PIGQ: variants seen among roughly 807,000 people sequenced by gnomAD.
The protein encoded by PIGQ is phosphatidylinositol N-acetylglucosaminyltransferase subunit Q.
PIGQ carries 54 observed loss-of-function variants against 60.3 expected under a neutral mutation model. The ratio of observed to expected loss-of-function variants is 0.90; its 90% CI spans 0.72 to 1.12. The LOEUF (loss-of-function observed/expected upper bound fraction) is 1.12, where lower values mean the gene tolerates loss of function less well. Ranked by LOEUF, PIGQ falls within the 50% of genes most tolerant of loss-of-function variation. The pLI, the probability that PIGQ is intolerant of heterozygous loss-of-function variation, is 0.00. For missense variants in PIGQ, 799 were observed against 793.5 expected, an observed-to-expected ratio of 1.01 and a Z score of -0.08; for synonymous variants, 416 against 363.7, an observed-to-expected ratio of 1.14 and a Z score of -1.64.
chr16:574,883 C>T, intron 2 of PIGQ, 120 bp downstream of exon 2: 1 of 778,302 alleles, frequency 1.3e-6, no homozygotes, highest in South Asian at 1.9e-5. Context: ...GGCCCCCTCC[C>T]ACTCCTGCAG....
intron 8 of PIGQ, 111 bp downstream of exon 8, chr16:580,374 C>T (rs983689652): frequency 6.0e-5 from 47 of 783,610 alleles, no homozygotes; most frequent in Admixed American, 1.6e-4. Context: ...CTGCAGGCCA[C>T]GTGGGTGGCC....
At chr16:581,965 T>A in intron 9 of PIGQ, 4 of 474,916 alleles carry the variant, frequency 8.4e-6, no homozygotes, top group Non-Finnish European at 1.6e-5. Context: ...GGTTTCACCA[T>A]GTTGGCCAGG....
At chr16:577,953 G>T (rs1037268265) in intron 4 of PIGQ, 4 of 174,338 alleles carry the variant, frequency 2.3e-5, no homozygotes, top group South Asian at 1.2e-4. Flanking sequence ...CTGCGATGGG[G>T]TGGGGCCTCT....
intron 6 of PIGQ, 30 bp from the exon 7 acceptor site, chr16:579,039 G>A: frequency 6.3e-7 from 1 of 1,582,158 alleles, no homozygotes; most frequent in Non-Finnish European, 8.6e-7. Context: ...GGCGGGGCGG[G>A]GCCGGGCCCG....
intron 1 of PIGQ, chr16:572,701 C>T (rs1176320462): frequency 4.4e-6 from 2 of 455,854 alleles, no homozygotes; most frequent in Non-Finnish European, 8.8e-6. Context: ...CTGGGACCTC[C>T]AGGCGTCCCG....
chr16:582,820 C>T (rs1263024772), intron 10 of PIGQ, 63 bp from the exon 11 acceptor site: 2 of 1,521,342 alleles, frequency 1.3e-6, no homozygotes, highest in African/African-American at 2.7e-5. Flanking sequence ...CGCCCCCACC[C>T]TCTCTCTGCA....
At chr16:573,922 G>A (rs921637600) in intron 1 of PIGQ, 144 bp from the exon 2 acceptor site, 17 of 615,378 alleles carry the variant, frequency 2.8e-5, no homozygotes, top group Non-Finnish European at 4.0e-5. Flanking sequence ...GGAGCCCTAC[G>A]GCGTCCACCA....
Position 575,589 on chromosome 16 carries a change from A to G in PIGQ, c.690-250A>G, listed in dbSNP as rs1054626026. Among the ~76,000 whole-genome samples the G allele has an allele frequency of 2.6e-5, 4 of 152,168 alleles. 1 individual carries two copies. In the South Asian group the frequency reaches 8.3e-4, roughly 32 times the overall value. On this transcript the variant is annotated intron_variant, in intron 2 of 10. Coordinates refer to ENST00000321878, the MANE Select transcript of PIGQ (RefSeq NM_004204.5). The stretch of plus-strand genomic sequence containing the variant: ...GCTTCTTGGCACCGGCTCTGGGAGC[A>G]TGTGGTGACCAGGTGGCCCGGGGTC...
In PIGQ at chr16:576,213, C is replaced by A; in HGVS notation, c.901C>A (p.Arg301Ser). The A allele has an allele frequency of 6.4e-7, 1 of 1,550,950 alleles. No individual in the cohort carries two copies. ...GCTGTCCTGGCTCCACGGGAGAAGC[C>A]GCATCGGGCATCTGGCCGACGCCCT... ...MLLSWLHGRS[R>S]IGHLADALVP... The change falls in exon 4 of 11, where the codon CGC (arginine) becomes AGC (serine). Residue 301 changes from arginine to serine, a missense_variant. Physicochemically the swap from Arg to Ser is moderately radical, Grantham distance 110. Coordinates refer to ENST00000321878, the MANE Select transcript of PIGQ (RefSeq NM_004204.5).
In PIGQ at chr16:578,501, G is replaced by A. The variant is rs779523178; in HGVS notation, c.1065G>A (p.Trp355Ter). 6.2e-7 allele frequency: 1 copy of A among 1,612,422 alleles called. No homozygotes were observed. The highest frequency in any genetic ancestry group is 8.5e-7 in the Non-Finnish European group (1 of 1,179,762). The part of the protein sequence containing the change: ...GRFFLYHIHL[W>*]ISYIHLMSPF... ...TCTTCCTCTACCACATCCACCTGTGGATCAGTGAGTGCAGGGCAGGCGGGG... is the reference window on the plus strand; with the variant it reads ...TCTTCCTCTACCACATCCACCTGTGAATCAGTGAGTGCAGGGCAGGCGGGG... Residue 355 changes from tryptophan to a stop codon, truncating the protein, a stop_gained, in exon 5 of 11, where the codon TGG (tryptophan) becomes TGA (stop). Coordinates refer to ENST00000321878, the MANE Select transcript of PIGQ (RefSeq NM_004204.5). LOFTEE classifies it high-confidence loss of function.
In PIGQ at chr16:574,566, C is replaced by T. The variant is rs200563235; in HGVS notation, c.492C>T (p.Ala164=). ...ATTASTGGLA[A]VFDTVARSEV... is the part of the protein sequence containing the mutation. ...CTGCCAGCACGGGGGGCCTGGCTGC[C>T]GTCTTCGACACGGTAGCACGCAGTG... The change falls in exon 2 of 11, where the codon GCC becomes GCT. Residue 164 remains alanine, a synonymous_variant. Coordinates refer to ENST00000321878, the MANE Select transcript of PIGQ (RefSeq NM_004204.5). 39 of 1,603,022 alleles carry T rather than the reference C, an allele frequency of 2.4e-5. No homozygotes were observed. Among genetic ancestry groups the T allele is most frequent in the Middle Eastern group, 1.7e-4 (1 of 5,834 alleles).
Position 582,885 on chromosome 16 carries a change from A to G in PIGQ, c.1596A>G (p.Ile532Met). 6.3e-7 allele frequency: 1 copy of G among 1,597,184 alleles called. No homozygotes were observed. The highest frequency in any genetic ancestry group is 8.6e-7 in the Non-Finnish European group (1 of 1,169,492). The change falls in exon 11 of 11, where the codon ATA becomes ATG. Residue 532 changes from isoleucine to methionine, a missense_variant and splice_region_variant. Ile to Met is a conservative substitution (Grantham distance 10). Transcript: ENST00000321878. ...AGRPLRLLMQ[I>M]NPLPYSRVVH... The stretch of plus-strand genomic sequence containing the variant: ...GACCGCTGCCCTTGTCCTTCCAGAT[A>G]AACCCACTGCCCTACAGCCGCGTGG...
intron 1 of PIGQ, 43 bp from the exon 2 acceptor site, chr16:574,023 G>A (rs768168064): frequency 2.9e-6 from 4 of 1,401,146 alleles, no homozygotes; most frequent in Non-Finnish European, 3.9e-6. Context: ...ACGGTGGGGG[G>A]GCAGCAGCAG....
At chr16:578,235 C>T (rs2035751301) in intron 4 of PIGQ, 144 bp from the exon 5 acceptor site, 1 of 758,348 alleles carries the variant, frequency 1.3e-6, no homozygotes, top group Non-Finnish European at 2.1e-6. Context: ...GAAGGGGAGC[C>T]CGTGTGCTGT....
At position 574,645 on chromosome 16, in the gene PIGQ, T is replaced by TG; in HGVS notation, c.573dup (p.Gln192AlafsTer123). ...TGAGGGCCCCGTGCGGCTGAGCCAC[T>TG]GGCAGTCGGAGGGCGTGGAGGCCAG... On this transcript the variant is annotated frameshift_variant, in exon 2 of 11. Transcript: ENST00000321878. LOFTEE classifies it high-confidence loss of function. 6.2e-7 allele frequency: 1 copy of TG among 1,608,104 alleles called. No homozygotes were observed. Among genetic ancestry groups the TG allele is most frequent in the Non-Finnish European group, 8.5e-7 (1 of 1,178,966 alleles).
At position 583,665 on chromosome 16, in the gene PIGQ, A is replaced by C. The variant is rs781626299; in HGVS notation, c.*630A>C. ...CCATCAGCAGGCTGTGAGCATCGCC[A>C]GGCTGCTGTGGGGGCGGGAGCAGCC... On this transcript the variant is annotated 3_prime_UTR_variant, in exon 11 of 11. Coordinates refer to ENST00000321878, the MANE Select transcript of PIGQ (RefSeq NM_004204.5). 6.2e-6 allele frequency: 10 copies of C among 1,610,996 alleles called. No individual in the cohort carries two copies. Among genetic ancestry groups the C allele is most frequent in the Non-Finnish European group, 7.6e-6 (9 of 1,179,486 alleles).
chr16:580,144 G>T, intron 7 of PIGQ, 39 bp from the exon 8 acceptor site: 1 of 1,545,302 alleles, frequency 6.5e-7, no homozygotes. Context: ...CTGGGCGCGG[G>T]GTCCTGCTGA....
rs146518413 is a variant in PIGQ at position 580,958 on chromosome 16, C to T, written c.1517C>T (p.Pro506Leu). ...LYSLGLRLCRPYRLAAGVKFR... is the reference protein window; with the variant it reads ...LYSLGLRLCRLYRLAAGVKFR... The stretch of plus-strand genomic sequence containing the variant: ...TCACTGGGTCTTCGGCTCTGCCGGC[C>T]CTACAGGCTGGCGGGTAAGTGCTGC... Residue 506 changes from proline (P) to leucine (L), a missense_variant, in exon 9 of 11, where the codon CCC (proline) becomes CTC (leucine). By Grantham distance (98) the Pro-to-Leu change is moderately conservative. Transcript: ENST00000321878. 1.4e-5 allele frequency: 22 copies of T among 1,608,764 alleles called. No homozygotes were observed. The highest frequency in any genetic ancestry group is 2.2e-5 in the East Asian group (1 of 44,896).
At chr16:582,172 A>C in intron 9 of PIGQ, 76 bp from the exon 10 acceptor site, 11 of 1,037,188 alleles carry the variant, frequency 1.1e-5, no homozygotes, top group African/African-American at 1.6e-5. Context: ...TCAGAGAGGA[A>C]GGTACCTGCA....
Sources: allele counts gnomAD v4.1 joint callset (sites outside exome capture counted in the v4.1 genomes callset), GRCh38; gene constraint gnomAD v4.1.1; transcripts MANE v1.5; gene names NCBI Gene and HGNC (gene_info 2026-07-23, HGNC 2026-07-21).